The following ABCC4 variants were observed in gnomAD, a reference collection of about 807,000 sequenced individuals.
The protein encoded by ABCC4 is ATP-binding cassette sub-family C member 4.
A neutral mutation model predicts 168.5 loss-of-function variants in ABCC4; 102 were observed. The ratio of observed to expected loss-of-function variants is 0.61; its 90% CI spans 0.52 to 0.71. The LOEUF (loss-of-function observed/expected upper bound fraction) is 0.71. Among genes scored for constraint, ABCC4 ranks in the 30% least tolerant of loss-of-function variants. The pLI is 0.00. For synonymous variants in ABCC4, 617 were observed against 590.7 expected (o/e 1.04, Z -0.65); for missense variants, 1,402 against 1,605.8 (o/e 0.87, Z 2.17).
intron 20 of ABCC4, among the ~76,000 whole-genome samples, chr13:95,109,905 G>A (rs1400662244): frequency 1.3e-5 from 2 of 152,072 alleles, no homozygotes; most frequent in Non-Finnish European, 2.9e-5. Context: ...CTTCTCAGGT[G>A]GATGAAGATA....
chr13:95,120,209 T>C (rs1474230605), intron 19 of ABCC4, among the ~76,000 whole-genome samples: 1 of 151,688 alleles, frequency 6.6e-6, no homozygotes, highest in Non-Finnish European at 1.5e-5. Context: ...TTTTGTAAAC[T>C]TCTTTATAGG....
At chr13:95,210,517 G>A (rs1175146495) in intron 5 of ABCC4, among the ~76,000 whole-genome samples, 175 bp downstream of exon 5, 1 of 152,192 alleles carries the variant, frequency 6.6e-6, no homozygotes, top group Non-Finnish European at 1.5e-5. Context: ...CTAATCAGGA[G>A]GCTGAGACAG....
chr13:95,272,489 T>G (rs956114973), intron 1 of ABCC4, among the ~76,000 whole-genome samples: 1 of 152,220 alleles, frequency 6.6e-6, no homozygotes, highest in Non-Finnish European at 1.5e-5. Flanking sequence ...TGACCACAAA[T>G]TTCATATTCA....
At chr13:95,193,964 G>A (rs117321757) in intron 9 of ABCC4, among the ~76,000 whole-genome samples, 2 of 152,274 alleles carry the variant, frequency 1.3e-5, no homozygotes, top group East Asian at 1.9e-4. Flanking sequence ...AAATTTGAGC[G>A]TTGCCTCCTG....
chr13:95,127,335 G>C (rs2035815437), intron 19 of ABCC4, among the ~76,000 whole-genome samples: 1 of 152,092 alleles, frequency 6.6e-6, no homozygotes, highest in African/African-American at 2.4e-5. Context: ...GCCCAGGCTG[G>C]AGTGCAGTAG....
At chr13:95,118,627 G>A (rs2139418954) in intron 19 of ABCC4, among the ~76,000 whole-genome samples, 1 of 152,264 alleles carries the variant, frequency 6.6e-6, no homozygotes, top group East Asian at 1.9e-4. Context: ...CATTTTCCCA[G>A]AGGTCTCCAA....
intron 8 of ABCC4, among the ~76,000 whole-genome samples, chr13:95,201,522 A>G (rs2038624502): frequency 6.6e-6 from 1 of 152,204 alleles, no homozygotes; most frequent in Non-Finnish European, 1.5e-5. Context: ...CCTGCAATCT[A>G]TACGTAATAT....
At chr13:95,054,857 T>C (rs933243801) in intron 26 of ABCC4, among the ~76,000 whole-genome samples, 2 of 152,160 alleles carry the variant, frequency 1.3e-5, no homozygotes, top group Non-Finnish European at 1.5e-5. Flanking sequence ...AGAAAAATGA[T>C]ATCCAGGGAG....
chr13:95,259,957 T>C (rs759614511), intron 1 of ABCC4, among the ~76,000 whole-genome samples: 1 of 151,998 alleles, frequency 6.6e-6, no homozygotes, highest in African/African-American at 2.4e-5. Context: ...ACGAGACTCA[T>C]CTTCTGTACA....
At chr13:95,211,347 G>A (rs2038951329) in intron 4 of ABCC4, among the ~76,000 whole-genome samples, 1 of 152,168 alleles carries the variant, frequency 6.6e-6, no homozygotes, top group South Asian at 2.1e-4. Context: ...GACAGGGCTA[G>A]GTATGTCCAG....
intron 19 of ABCC4, among the ~76,000 whole-genome samples, chr13:95,135,544 C>G (rs1016395992): frequency 2.6e-5 from 4 of 151,828 alleles, no homozygotes; most frequent in Non-Finnish European, 5.9e-5. Context: ...TCCCAAGTAG[C>G]TGGGACTACA....
rs184980966 is a variant in ABCC4, at chr13:95,156,327, C to A, written c.2455+4862G>T. ...TATAAAAATAGAATTTCCAAGAAAGCTTTAAATTAAAAACCAGGTTTTGCA... is the reference window on the plus strand; with the variant it reads ...TATAAAAATAGAATTTCCAAGAAAGATTTAAATTAAAAACCAGGTTTTGCA... On this transcript the variant is annotated intron_variant, in intron 19 of 30. Transcript: ENST00000645237. Among the ~76,000 whole-genome samples the A allele has an allele frequency of 1.7e-3, 263 of 152,314 alleles. 1 individual carries two copies. Among genetic ancestry groups the A allele is most frequent in the Middle Eastern group, 0.014 (4 of 294 alleles).
At chr13:95,066,821 G>A (rs1459536401) in intron 25 of ABCC4, among the ~76,000 whole-genome samples, 19 of 152,202 alleles carry the variant, frequency 1.2e-4, no homozygotes, top group Non-Finnish European at 1.9e-4. Context: ...TAGCTAGAAG[G>A]GAGACAGCGG....
chr13:95,030,179 CCTGG>C (rs2031806906), intron 30 of ABCC4, among the ~76,000 whole-genome samples: 1 of 152,134 alleles, frequency 6.6e-6, no homozygotes. Context: ...CGCCACCATG[CCTGG>C]CTAATTTTTT....
chr13:95,081,775 T>A (rs1594065373), intron 21 of ABCC4, among the ~76,000 whole-genome samples: 1 of 151,918 alleles, frequency 6.6e-6, no homozygotes, highest in Non-Finnish European at 1.5e-5. Context: ...CTGAGGCAGG[T>A]GGGTCACTTG....
intron 9 of ABCC4, among the ~76,000 whole-genome samples, chr13:95,191,304 T>C (rs2038244086): frequency 6.6e-6 from 1 of 152,182 alleles, no homozygotes; most frequent in Non-Finnish European, 1.5e-5. Flanking sequence ...AATATGTGTG[T>C]ATGAAAACTG....
At chr13:95,290,875 T>A (rs2041383557) in intron 1 of ABCC4, among the ~76,000 whole-genome samples, 1 of 150,826 alleles carries the variant, frequency 6.6e-6, no homozygotes, top group East Asian at 1.9e-4. Flanking sequence ...CAAGCACCTG[T>A]AATCCCAGCT....
chr13:95,124,688 G>A lies in ABCC4; in HGVS notation c.2456-8687C>T, dbSNP rs185636586. 1.5e-3 allele frequency among the ~76,000 whole-genome samples: 196 copies of A among 130,398 alleles called. 1 individual carries two copies. The highest frequency in any genetic ancestry group is 2.3e-3 in the Non-Finnish European group (145 of 63,274). The allele number at this position is 130,398 out of a possible 152,430, so 85.5% of individuals were successfully genotyped here. ...ATTCGAGACCCACCTGGCCAACATG[G>A]TGAAACCCTGTCTCTACTAAAAACG... On this transcript the variant is annotated intron_variant, in intron 19 of 30. Coordinates refer to ENST00000645237, the MANE Select transcript of ABCC4 (RefSeq NM_005845.5).
chr13:95,186,299 G>A (rs2038056110), intron 11 of ABCC4, among the ~76,000 whole-genome samples: 1 of 152,116 alleles, frequency 6.6e-6, no homozygotes, highest in Admixed American at 6.5e-5. Context: ...TCTGGGTTGG[G>A]GGTGGAGCTA....
Sources: gnomAD v4.1 joint callset for allele counts (sites outside exome capture counted in the v4.1 genomes callset) on GRCh38, gnomAD v4.1.1 for gene constraint, MANE v1.5 for transcripts, NCBI Gene and HGNC (gene_info 2026-07-23, HGNC 2026-07-21) for gene names.